RANGAP1: variants seen among roughly 807,000 people sequenced by gnomAD.
The protein encoded by RANGAP1 is Ran GTPase activating protein 1.
In RANGAP1, 38 loss-of-function variants were observed where a neutral mutation model predicts 63.5. The observed-to-expected ratio is 0.60, with a 90% CI of 0.46 to 0.78. RANGAP1 has a LOEUF of 0.78. Ranked by LOEUF, RANGAP1 falls within the 30% of genes least tolerant of loss-of-function variation. The probability of loss-of-function intolerance (pLI) is 0.00; values close to 1 mark genes in which losing one functional copy is unlikely to be tolerated. For synonymous variants in RANGAP1, 329 were observed against 310.5 expected (o/e 1.06, Z -0.63); for missense variants, 630 against 740.3 (o/e 0.85, Z 1.73).
chr22:41,264,673 GC>G lies in RANGAP1; in HGVS notation c.470del (p.Gly157AlafsTer10). ...LKLNNCGMGI[G>X]GGKILAAALT... Reference sequence around the variant, plus strand: ...GGGCTGCCACACCCACCTTGCCGCCGCCAATGCCCATGCCACAGTTGTTGAG... The same window carrying G: ...GGGCTGCCACACCCACCTTGCCGCCGCAATGCCCATGCCACAGTTGTTGAG... On this transcript the variant is annotated frameshift_variant, in exon 5 of 16. Coordinates refer to ENST00000356244, the MANE Select transcript of RANGAP1 (RefSeq NM_002883.4). LOFTEE classifies it high-confidence loss of function. 2 of 1,610,580 alleles carry G rather than the reference GC, an allele frequency of 1.2e-6. No homozygotes were observed. Among genetic ancestry groups the G allele is most frequent in the Non-Finnish European group, 1.7e-6 (2 of 1,177,250 alleles).
intron 2 of RANGAP1, among the ~76,000 whole-genome samples, chr22:41,279,397 G>C (rs1388149366): frequency 6.6e-6 from 1 of 151,692 alleles, no homozygotes; most frequent in Non-Finnish European, 1.5e-5. Flanking sequence ...GTGAACCAGG[G>C]AGGCAGAGCT....
rs1288157494 is a variant in RANGAP1, at chr22:41,246,317, T to C, written c.*286A>G. ...CGCCCTCAGGTGGAGGTGAGTTTAA[T>C]GGCGGAGCAGCTCACAGCCCTTTCC... On this transcript the variant is annotated 3_prime_UTR_variant, in exon 16 of 16. Transcript: ENST00000356244. 1 of 297,206 alleles carries C rather than the reference T, an allele frequency of 3.4e-6. No homozygotes were observed. The highest frequency in any genetic ancestry group is 2.2e-5 in the African/African-American group (1 of 45,888). The allele number at this position is 297,206 out of a possible 1,614,324, so 18.4% of individuals were successfully genotyped here.
At chr22:41,285,863 T>G in intron 1 of RANGAP1, 123 bp downstream of exon 1, 2 of 290,316 alleles carry the variant, frequency 6.9e-6, no homozygotes, top group Non-Finnish European at 1.0e-5. Flanking sequence ...CGCTCGGCCG[T>G]CGAAGGCTAA....
rs762087068 is a variant in RANGAP1, at chr22:41,252,905, T to C, written c.1347A>G (p.Leu449=). ...AFPSPEKLLR[L]GPKSSVLIAQ... ...CTATCAGCACGGAGCTCTTGGGCCC[T>C]AGGCGCAGCAGCTTCTCTGGAGAGG... The change falls in exon 12 of 16, where the codon CTA becomes CTG. Residue 449 remains leucine (L), a synonymous_variant. Transcript: ENST00000356244. 1.3e-6 allele frequency: 2 copies of C among 1,573,266 alleles called. No homozygotes were observed. Among genetic ancestry groups the C allele is most frequent in the South Asian group, 1.1e-5 (1 of 87,616 alleles).
At chr22:41,259,106 C>T (rs976294962) in intron 6 of RANGAP1, among the ~76,000 whole-genome samples, 24 of 152,128 alleles carry the variant, frequency 1.6e-4, no homozygotes, top group Admixed American at 1.3e-4. Flanking sequence ...TCCTCTATCA[C>T]GGTGGTCCTC....
intron 4 of RANGAP1, among the ~76,000 whole-genome samples, chr22:41,265,507 T>C (rs1388357385): frequency 6.6e-6 from 1 of 152,134 alleles, no homozygotes; most frequent in East Asian, 1.9e-4. Context: ...GCAGGGGACA[T>C]GCAGAAGCTG....
rs775544930 is a variant in RANGAP1, at chr22:41,285,458, GA to G, written c.-39+527del. 236 of 971,964 alleles carry G rather than the reference GA, an allele frequency of 2.4e-4. 1 individual carries two copies. The South Asian group carries it at 3.6e-3, about 15-fold the overall frequency. 60.2% of individuals were successfully genotyped at this position (971,964 alleles called of 1,614,324 possible). ...AGAGCAAAAGCAAAGGGCTAATAGAGAAACATCCTCTCCCCGCTCCGCAGCA... is the reference window on the plus strand; with the variant it reads ...AGAGCAAAAGCAAAGGGCTAATAGAGAACATCCTCTCCCCGCTCCGCAGCA... On this transcript the variant is annotated intron_variant, in intron 1 of 15. Coordinates refer to ENST00000356244, the MANE Select transcript of RANGAP1 (RefSeq NM_002883.4).
At chr22:41,296,517 C>G in the RANGAP1 span, among the ~76,000 whole-genome samples, 9 of 151,876 alleles carry the variant, frequency 5.9e-5, no homozygotes, top group Admixed American at 4.6e-4. Flanking sequence ...TGTGGTGGCA[C>G]ATGCCTATAA....
rs139533025 is a variant in RANGAP1, at chr22:41,258,547, C to T, written c.616-441G>A. ...ACACAACATAACCCCTTCGACATGG[C>T]GTCCTTCTCTAGGGATGAGGAGGGT... On this transcript the variant is annotated intron_variant, in intron 6 of 15. Coordinates refer to ENST00000356244, the MANE Select transcript of RANGAP1 (RefSeq NM_002883.4). Among the ~76,000 whole-genome samples, 77 of 152,366 alleles carry T rather than the reference C, an allele frequency of 5.1e-4. 3 individuals carry two copies. Among genetic ancestry groups the T allele is most frequent in the Non-Finnish European group, 1.3e-4 (9 of 68,018 alleles).
chr22:41,275,258 TAAGGCAGGTGG>T (rs750786443), intron 2 of RANGAP1, among the ~76,000 whole-genome samples: 3 of 152,020 alleles, frequency 2.0e-5, no homozygotes, highest in South Asian at 2.1e-4. Context: ...TTTGGGAGGC[TAAGGCAGGTGG>T]ATTGCTTGAG....
chr22:41,279,927 A>G (rs1418735674), intron 2 of RANGAP1, among the ~76,000 whole-genome samples: 2 of 151,556 alleles, frequency 1.3e-5, no homozygotes, highest in South Asian at 2.1e-4. Context: ...GCAAAACCCT[A>G]TCTCTACTAA....
intron 3 of RANGAP1, among the ~76,000 whole-genome samples, chr22:41,269,111 A>G: frequency 6.6e-6 from 1 of 152,104 alleles, no homozygotes; most frequent in Non-Finnish European, 1.5e-5. Flanking sequence ...ATAGGTTCTC[A>G]CTCTGTCGCC....
chr22:41,274,606 C>T lies in RANGAP1; in HGVS notation c.234G>A (p.Glu78=), dbSNP rs906085257. The change falls in exon 3 of 16, where the codon GAG becomes GAA. Residue 78 remains glutamate (E), a synonymous_variant. Coordinates refer to ENST00000356244, the MANE Select transcript of RANGAP1 (RefSeq NM_002883.4). ...CTCGCCCCACTCTGCTCACCTTCAACTCCGACTTCTTCTCTAAGGCCTTGG... is the reference window on the plus strand; with the variant it reads ...CTCGCCCCACTCTGCTCACCTTCAATTCCGACTTCTTCTCTAAGGCCTTGG... ...VIAKALEKKS[E]LKRCHWSDMF... is the part of the protein sequence containing the mutation. The T allele has an allele frequency of 1.2e-6, 2 of 1,614,108 alleles. No individual in the cohort carries two copies. The highest frequency in any genetic ancestry group is 1.7e-6 in the Non-Finnish European group (2 of 1,179,966).
rs781402902 is a variant in RANGAP1 at position 41,264,850 on chromosome 22, A to G, written c.301-7T>C. The G allele has an allele frequency of 3.8e-6, 6 of 1,592,880 alleles. No homozygotes were observed. Among genetic ancestry groups the G allele is most frequent in the Non-Finnish European group, 5.2e-6 (6 of 1,162,656 alleles). On this transcript the variant is annotated splice_polypyrimidine_tract_variant and splice_region_variant and intron_variant, in intron 4 of 15. Coordinates refer to ENST00000356244, the MANE Select transcript of RANGAP1 (RefSeq NM_002883.4). ...GTCCTTCCCCTAGTGAGATCTGGGC[A>G]CAGAGGAAGCTCGTGTCAGTTTCAT...
At chr22:41,297,391 C>T in the RANGAP1 span, among the ~76,000 whole-genome samples, 6 of 152,230 alleles carry the variant, frequency 3.9e-5, no homozygotes, top group South Asian at 1.2e-3. Flanking sequence ...AAATATTAAA[C>T]TCATCTGGAA....
chr22:41,253,937 G>A (rs139503), intron 11 of RANGAP1, among the ~76,000 whole-genome samples: 59,026 of 151,510 alleles, frequency 0.39, 12,223 homozygotes, highest in Non-Finnish European at 0.46. Context: ...GCGAAACCCC[G>A]GCTCTACTAA....
chr22:41,266,888 C>CTTTT lies in RANGAP1; in HGVS notation c.300+1205_300+1208dup, dbSNP rs139523. Among the ~76,000 whole-genome samples, 6 of 137,128 alleles carry CTTTT rather than the reference C, an allele frequency of 4.4e-5. 2 individuals carry two copies. Among genetic ancestry groups the CTTTT allele is most frequent in the Admixed American group, 7.5e-5 (1 of 13,294 alleles). 90.0% of individuals were successfully genotyped at this position (137,128 alleles called of 152,430 possible). Reference sequence around the variant, plus strand: ...ACATGCAATCACTGAAATGAATTTCCTTTTTTTTTTGAGACGGAGTCTTGC... The same window carrying CTTTT: ...ACATGCAATCACTGAAATGAATTTCCTTTTTTTTTTTTTTGAGACGGAGTCTTGC... On this transcript the variant is annotated intron_variant, in intron 4 of 15. Coordinates refer to ENST00000356244, the MANE Select transcript of RANGAP1 (RefSeq NM_002883.4).
chr22:41,286,218 G>A (rs1450537593), upstream of RANGAP1: 1 of 152,336 alleles, frequency 6.6e-6, no homozygotes, highest in Non-Finnish European at 1.5e-5. Context: ...GATTTTGAAA[G>A]CCGGCAGTTT....
At chr22:41,289,854 G>A (rs886394979), upstream of RANGAP1, among the ~76,000 whole-genome samples, 1 of 152,104 alleles carries the variant, frequency 6.6e-6, no homozygotes, top group Non-Finnish European at 1.5e-5. Flanking sequence ...ACTTACACAT[G>A]AGACAAGGCT....
Sources: allele counts gnomAD v4.1 joint callset (sites outside exome capture counted in the v4.1 genomes callset), GRCh38; gene constraint gnomAD v4.1.1; transcripts MANE v1.5; gene names NCBI Gene and HGNC (gene_info 2026-07-23, HGNC 2026-07-21).